SLC25A21: variants seen among roughly 807,000 people sequenced by gnomAD.
SLC25A21 encodes the protein mitochondrial 2-oxodicarboxylate carrier.
In SLC25A21, 47 loss-of-function variants were observed where a neutral mutation model predicts 43.8. That is an observed-to-expected ratio of 1.07 (90% CI 0.85 to 1.37). The LOEUF is 1.37. Ranked by LOEUF, SLC25A21 falls within the 40% of genes most tolerant of loss-of-function variation. The probability of loss-of-function intolerance (pLI) is 0.00; values close to 1 mark genes in which losing one functional copy is unlikely to be tolerated. For synonymous variants in SLC25A21, 131 were observed against 121.3 expected, an observed-to-expected ratio of 1.08 and a Z score of -0.52; for missense variants, 352 against 350.2, an observed-to-expected ratio of 1.00 and a Z score of -0.04.
chr14:37,107,002 G>T (rs1424122428), intron 1 of SLC25A21, among the ~76,000 whole-genome samples: 2 of 152,080 alleles, frequency 1.3e-5, no homozygotes, highest in Non-Finnish European at 2.9e-5. Context: ...AATAGTATTG[G>T]CACAGGCATT....
At chr14:36,967,089 T>C (rs1959634285) in intron 1 of SLC25A21, among the ~76,000 whole-genome samples, 1 of 152,130 alleles carries the variant, frequency 6.6e-6, no homozygotes, top group Non-Finnish European at 1.5e-5. Flanking sequence ...TTTTCCTCCT[T>C]TTGAATGGTG....
At position 37,028,593 on chromosome 14, in the gene SLC25A21, A is replaced by T. The variant is rs149546838; in HGVS notation, c.70+143688T>A. ...GAAAACAAGACTGTAAGTTTTGGTC[A>T]CCTTTTCTGGCTGTTAACCACCATT... On this transcript the variant is annotated intron_variant, in intron 1 of 9. Transcript: ENST00000331299. Among the ~76,000 whole-genome samples the T allele has an allele frequency of 5.0e-4, 76 of 152,304 alleles. 1 individual carries two copies. The East Asian group carries it at 0.014, about 29-fold the overall frequency.
At chr14:36,895,796 T>C (rs1891220878) in intron 1 of SLC25A21, among the ~76,000 whole-genome samples, 1 of 152,248 alleles carries the variant, frequency 6.6e-6, no homozygotes, top group Non-Finnish European at 1.5e-5. Context: ...TTTCGTTATG[T>C]ACCCAGTAGT....
chr14:36,678,478 T>C lies in SLC25A21; in HGVS notation c.*2180A>G, dbSNP rs1882015793. 1.3e-6 allele frequency: 2 copies of C among 1,536,426 alleles called. No individual in the cohort carries two copies. Among genetic ancestry groups the C allele is most frequent in the Admixed American group, 3.9e-5 (2 of 50,982 alleles). Reference sequence around the variant, plus strand: ...TAAAACTTCCATTGACATCTGGAGTTCCCAGTCTGGTGAGAAAATAGACTA... The same window carrying C: ...TAAAACTTCCATTGACATCTGGAGTCCCCAGTCTGGTGAGAAAATAGACTA... On this transcript the variant is annotated 3_prime_UTR_variant, in exon 10 of 10. Transcript: ENST00000331299.
At chr14:36,833,252 GATAGA>G (rs1419759292) in intron 2 of SLC25A21, among the ~76,000 whole-genome samples, 1 of 152,202 alleles carries the variant, frequency 6.6e-6, no homozygotes, top group Non-Finnish European at 1.5e-5. Context: ...GTTGATGGAC[GATAGA>G]ATAGATGGGG....
intron 6 of SLC25A21, among the ~76,000 whole-genome samples, chr14:36,722,671 T>TTTCTATTTA (rs1297254971): frequency 6.6e-6 from 1 of 152,216 alleles, no homozygotes; most frequent in Non-Finnish European, 1.5e-5. Context: ...TTTCTTTTTA[T>TTTCTATTTA]TTTTTAAATG....
intron 2 of SLC25A21, among the ~76,000 whole-genome samples, chr14:36,845,844 C>T (rs1450992527): frequency 6.6e-6 from 1 of 152,164 alleles, no homozygotes; most frequent in South Asian, 2.1e-4. Context: ...CGCACACTGG[C>T]GCTTCTCCAG....
intron 1 of SLC25A21, among the ~76,000 whole-genome samples, chr14:37,027,713 A>T (rs1310672252): frequency 1.3e-5 from 2 of 152,188 alleles, no homozygotes; most frequent in Non-Finnish European, 2.9e-5. Context: ...AAAAGAGTAA[A>T]TCAAATGGAT....
At chr14:37,082,959 C>G (rs1340427539) in intron 1 of SLC25A21, among the ~76,000 whole-genome samples, 1 of 152,236 alleles carries the variant, frequency 6.6e-6, no homozygotes, top group African/African-American at 2.4e-5. Flanking sequence ...ACATCTCTAT[C>G]TGAACACAGC....
intron 1 of SLC25A21, among the ~76,000 whole-genome samples, chr14:37,022,029 C>T (rs1314464823): frequency 6.6e-6 from 1 of 151,318 alleles, no homozygotes; most frequent in African/African-American, 2.4e-5. Flanking sequence ...TAAAATAAGC[C>T]TCTGAGAATT....
intron 1 of SLC25A21, among the ~76,000 whole-genome samples, chr14:37,002,536 T>C (rs1310960738): frequency 6.6e-6 from 1 of 152,174 alleles, no homozygotes; most frequent in Non-Finnish European, 1.5e-5. Flanking sequence ...TTCCTACGTA[T>C]ACAACTTTGA....
intron 4 of SLC25A21, 48 bp from the exon 5 acceptor site, chr14:36,729,614 C>T: frequency 6.6e-7 from 1 of 1,506,586 alleles, no homozygotes; most frequent in Non-Finnish European, 9.1e-7. Flanking sequence ...TTTCCTGCAA[C>T]AAACTCTTTA....
At chr14:37,002,845 G>GT (rs1005966132) in intron 1 of SLC25A21, among the ~76,000 whole-genome samples, 2 of 152,178 alleles carry the variant, frequency 1.3e-5, no homozygotes, top group African/African-American at 4.8e-5. Context: ...AAATGATGGT[G>GT]TAGCAACAGC....
At chr14:36,915,927 A>G (rs1434133679) in intron 1 of SLC25A21, among the ~76,000 whole-genome samples, 1 of 152,192 alleles carries the variant, frequency 6.6e-6, no homozygotes, top group Non-Finnish European at 1.5e-5. Context: ...AAGTTGTCAG[A>G]GTCAAAATGA....
At chr14:37,118,987 T>G (rs1312776967) in intron 1 of SLC25A21, among the ~76,000 whole-genome samples, 1 of 152,134 alleles carries the variant, frequency 6.6e-6, no homozygotes, top group Non-Finnish European at 1.5e-5. Context: ...TAAAACAGCA[T>G]GCAGTTAAGA....
At chr14:36,888,918 A>T (rs1025948676) in intron 1 of SLC25A21, among the ~76,000 whole-genome samples, 2 of 152,210 alleles carry the variant, frequency 1.3e-5, no homozygotes, top group Admixed American at 1.3e-4. Flanking sequence ...AGAGTAAATG[A>T]CTTCTGACCA....
chr14:36,977,831 C>T lies in SLC25A21; in HGVS notation c.71-102827G>A, dbSNP rs1378933307. On this transcript the variant is annotated intron_variant, in intron 1 of 9. Transcript: ENST00000331299. ...TGTTCTTACTAGGACAAACACATAC[C>T]ATCAGCATTTTCTTTGCACGTGGAA... Among the ~76,000 whole-genome samples, 3 of 151,880 alleles carry T rather than the reference C, an allele frequency of 2.0e-5. No individual in the cohort carries two copies. The South Asian group carries it at 6.2e-4, about 32-fold the overall frequency.
At chr14:37,050,350 G>A (rs1018952223) in intron 1 of SLC25A21, among the ~76,000 whole-genome samples, 16 of 152,124 alleles carry the variant, frequency 1.1e-4, no homozygotes, top group Non-Finnish European at 2.1e-4. Flanking sequence ...ATAGGAAATC[G>A]GGTATCTTTC....
intron 1 of SLC25A21, among the ~76,000 whole-genome samples, chr14:37,062,447 T>C (rs1961967664): frequency 6.6e-6 from 1 of 151,480 alleles, no homozygotes; most frequent in African/African-American, 2.5e-5. Flanking sequence ...CACTCATATA[T>C]TCGCAAAATA....
Sources: gnomAD v4.1 joint callset for allele counts (sites outside exome capture counted in the v4.1 genomes callset) on GRCh38, gnomAD v4.1.1 for gene constraint, MANE v1.5 for transcripts, NCBI Gene and HGNC (gene_info 2026-07-23, HGNC 2026-07-21) for gene names.